NID1: variants seen among roughly 807,000 people sequenced by gnomAD.
The protein encoded by NID1 is nidogen-1.
NID1 carries 76 observed loss-of-function variants against 130.6 expected under a neutral mutation model. The observed-to-expected ratio is 0.58, with a 90% confidence interval of 0.48 to 0.70. The LOEUF is 0.70. Ranked by LOEUF, NID1 falls within the 30% of genes least tolerant of loss-of-function variation. The pLI is 0.00. For missense variants in NID1, 1,517 were observed against 1,664.8 expected (o/e 0.91, Z 1.54); for synonymous variants, 665 against 675.1 (o/e 0.98, Z 0.23).
chr1:236,019,964 G>A (rs531897776), intron 9 of NID1, among the ~76,000 whole-genome samples: 3 of 151,464 alleles, frequency 2.0e-5, no homozygotes, highest in African/African-American at 4.9e-5. Context: ...TTGAACCCAG[G>A]GGGTGGAGGT....
intron 3 of NID1, 96 bp downstream of exon 3, chr1:236,045,361 A>G (rs1659569879): frequency 1.2e-6 from 1 of 834,970 alleles, no homozygotes; most frequent in Non-Finnish European, 1.9e-6. Flanking sequence ...TTAAATCCAT[A>G]GGAACATTTT....
intron 11 of NID1, among the ~76,000 whole-genome samples, chr1:236,012,969 C>T (rs1194449622): frequency 6.6e-6 from 1 of 152,186 alleles, no homozygotes; most frequent in Non-Finnish European, 1.5e-5. Context: ...TTTGACTCCG[C>T]AGTCATTTAT....
chr1:236,047,464 C>T (rs567075862), intron 2 of NID1, among the ~76,000 whole-genome samples: 10 of 152,234 alleles, frequency 6.6e-5, no homozygotes, highest in South Asian at 2.1e-4. Flanking sequence ...GGTCTAACAA[C>T]GAGTTCCTGA....
intron 10 of NID1, among the ~76,000 whole-genome samples, chr1:236,016,679 G>A (rs937730314): frequency 6.6e-6 from 1 of 152,062 alleles, no homozygotes; most frequent in Non-Finnish European, 1.5e-5. Context: ...GCTCGTGGTT[G>A]GTAAAATTAA....
chr1:236,051,560 C>G (rs573469638), intron 1 of NID1, among the ~76,000 whole-genome samples: 1 of 152,150 alleles, frequency 6.6e-6, no homozygotes, highest in African/African-American at 2.4e-5. Flanking sequence ...CATCATCACC[C>G]GGCACCAGCA....
intron 12 of NID1, among the ~76,000 whole-genome samples, chr1:235,998,202 C>T (rs1336996702): frequency 2.0e-5 from 3 of 152,156 alleles, no homozygotes; most frequent in African/African-American, 4.8e-5. Flanking sequence ...GTTTGCTTAA[C>T]GTGGTTGCTC....
At position 236,029,524 on chromosome 1, in the gene NID1, G is replaced by A. The variant is rs571504936; in HGVS notation, c.1738+26C>T. ...CGAGGCTAGTGGCCGGTCTGGGGCT[G>A]GCCCTGGGACACAGCTGGGGCTCAC... On this transcript the variant is annotated intron_variant, in intron 7 of 19. Coordinates refer to ENST00000264187, the MANE Select transcript of NID1 (RefSeq NM_002508.3). 48 of 1,546,826 alleles carry A rather than the reference G, an allele frequency of 3.1e-5. No homozygotes were observed. The African/African-American group carries it at 4.8e-4, about 15-fold the overall frequency.
At chr1:236,002,269 G>A (rs999081558) in intron 12 of NID1, among the ~76,000 whole-genome samples, 2 of 152,206 alleles carry the variant, frequency 1.3e-5, no homozygotes, top group African/African-American at 4.8e-5. Context: ...CTGGAAAGAT[G>A]AGGCAGGCAG....
In NID1 at chr1:236,010,776, C is replaced by A. The variant is rs771809255; in HGVS notation, c.2527+1145G>T. Among the ~76,000 whole-genome samples the A allele has an allele frequency of 4.3e-4, 66 of 152,248 alleles. 2 individuals carry two copies. The highest frequency in any genetic ancestry group is 3.2e-3 in the Middle Eastern group (1 of 316). On this transcript the variant is annotated intron_variant, in intron 12 of 19. Coordinates refer to ENST00000264187, the MANE Select transcript of NID1 (RefSeq NM_002508.3). Reference sequence around the variant, plus strand: ...CCATGGGCCATAGTTTGCTAAGCCCCATTTTAAGCAGAAGAAAATAATTTA... The same window carrying A: ...CCATGGGCCATAGTTTGCTAAGCCCAATTTTAAGCAGAAGAAAATAATTTA...
rs541394508 is a variant in NID1 at position 236,040,230 on chromosome 1, T to C, written c.1135+1680A>G. On this transcript the variant is annotated intron_variant, in intron 4 of 19. Coordinates refer to ENST00000264187, the MANE Select transcript of NID1 (RefSeq NM_002508.3). Reference sequence around the variant, plus strand: ...GATGACTCCAAAACCCACGGCAGAGTGGCATGTGCTGAGCAATGTAAGCAT... The same window carrying C: ...GATGACTCCAAAACCCACGGCAGAGCGGCATGTGCTGAGCAATGTAAGCAT... Among the ~76,000 whole-genome samples, 20 of 151,850 alleles carry C rather than the reference T, an allele frequency of 1.3e-4. No homozygotes were observed. The South Asian group carries it at 3.5e-3, about 27-fold the overall frequency.
intron 11 of NID1, among the ~76,000 whole-genome samples, chr1:236,012,576 A>G (rs916639951): frequency 6.7e-6 from 1 of 148,452 alleles, no homozygotes; most frequent in Non-Finnish European, 1.5e-5. Context: ...AAAAAAAAAA[A>G]AAAAAGAAAG....
intron 7 of NID1, among the ~76,000 whole-genome samples, chr1:236,028,985 T>C (rs1299764413): frequency 6.6e-6 from 1 of 152,160 alleles, no homozygotes. Flanking sequence ...CAGATCACCC[T>C]GGCCTACATA....
At chr1:235,994,010 T>C in intron 12 of NID1, 138 bp from the exon 13 acceptor site, 2 of 679,974 alleles carry the variant, frequency 2.9e-6, no homozygotes, top group Non-Finnish European at 2.5e-6. Flanking sequence ...TTTCATCAGT[T>C]ATTCAAAATG....
chr1:236,036,305 C>T (rs921988902), intron 5 of NID1, among the ~76,000 whole-genome samples: 1 of 152,196 alleles, frequency 6.6e-6, no homozygotes, highest in Non-Finnish European at 1.5e-5. Context: ...AAAGCATACT[C>T]AATTGTCTTC....
intron 13 of NID1, among the ~76,000 whole-genome samples, chr1:235,992,561 C>T (rs998494677): frequency 2.0e-5 from 3 of 152,210 alleles, no homozygotes; most frequent in African/African-American, 7.2e-5. Flanking sequence ...CACCGCCCCA[C>T]GCAAGCCAGG....
intron 14 of NID1, 111 bp from the exon 15 acceptor site, chr1:235,985,616 G>A (rs1657552585): frequency 3.1e-6 from 4 of 1,284,170 alleles, no homozygotes; most frequent in Admixed American, 2.6e-5. Flanking sequence ...AGTGTCAAGT[G>A]TTTTGTTCAT....
intron 12 of NID1, 75 bp from the exon 13 acceptor site, chr1:235,993,947 T>A (rs1572582326): frequency 2.2e-6 from 3 of 1,385,356 alleles, no homozygotes; most frequent in Non-Finnish European, 2.0e-6. Flanking sequence ...GCTGCAGGAG[T>A]CCCCGCAGCT....
At chr1:236,012,589 A>T (rs1658464716) in intron 11 of NID1, among the ~76,000 whole-genome samples, 1 of 151,332 alleles carries the variant, frequency 6.6e-6, no homozygotes, top group Non-Finnish European at 1.5e-5. Context: ...AAAGAAAGAA[A>T]AGAATGTTTT....
intron 5 of NID1, among the ~76,000 whole-genome samples, chr1:236,035,804 A>G (rs55961266): frequency 0.055 from 8,357 of 152,240 alleles, 507 homozygotes; most frequent in African/African-American, 0.15. Flanking sequence ...CACACGTTGC[A>G]TCATTACTCC....
Sources: gnomAD v4.1 joint callset for allele counts (sites outside exome capture counted in the v4.1 genomes callset) on GRCh38, gnomAD v4.1.1 for gene constraint, MANE v1.5 for transcripts, NCBI Gene and HGNC (gene_info 2026-07-23, HGNC 2026-07-21) for gene names.